Variants in CACNA1A observed in about 807,000 individuals in gnomAD.
CACNA1A encodes calcium voltage-gated channel subunit alpha1 A, also known as voltage-dependent P/Q-type calcium channel subunit alpha-1A.
A neutral mutation model predicts 262.4 loss-of-function variants in CACNA1A; 57 were observed. That is an observed-to-expected ratio of 0.22 (90% confidence interval 0.18 to 0.27). The LOEUF is 0.27. Ranked by LOEUF, CACNA1A falls within the 10% of genes least tolerant of loss-of-function variation. CACNA1A has a pLI of 1.00. For missense variants in CACNA1A, 2,526 were observed against 3,562.8 expected (o/e 0.71, Z 7.41); for synonymous variants, 1,431 against 1,419.3 (o/e 1.01, Z -0.18).
rs757611986 is a variant in CACNA1A at position 13,308,079 on chromosome 19, C to T, written c.1913+41G>A. 2 of 1,610,150 alleles carry T rather than the reference C, an allele frequency of 1.2e-6. No individual in the cohort carries two copies. The highest frequency in any genetic ancestry group is 2.2e-5 in the East Asian group (1 of 44,882). ...GGGACTGTGTGTTCCCTGAGCCTGA[C>T]CCCAGGGAACCAGGAGTTGGAATTC... On this transcript the variant is annotated intron_variant, in intron 14 of 46. Transcript: ENST00000360228. The surrounding 1 kb of genome is among the most constrained non-coding windows in gnomAD (Gnocchi z 4.2).
At position 13,506,328 on chromosome 19, in the gene CACNA1A, C is replaced by CGCG; in HGVS notation, c.-107_-105dup. On this transcript the variant is annotated 5_prime_UTR_variant, in exon 1 of 47. Coordinates refer to ENST00000360228, the MANE Select transcript of CACNA1A (RefSeq NM_001127222.2). ...ATGCTGAGGCTGCCGGGGCTGGGAG[C>CGCG]GCGGCGGCTGGAGCTACGACTGCGG... 1 of 1,124,294 alleles carries CGCG rather than the reference C, an allele frequency of 8.9e-7. No individual in the cohort carries two copies. The highest frequency in any genetic ancestry group is 2.1e-5 in the South Asian group (1 of 48,596). 69.6% of individuals were successfully genotyped at this position (1,124,294 alleles called of 1,614,324 possible).
chr19:13,373,314 C>T (rs938966396), intron 3 of CACNA1A, among the ~76,000 whole-genome samples: 1 of 152,214 alleles, frequency 6.6e-6, no homozygotes, highest in African/African-American at 2.4e-5. Context: ...GGAACCACCA[C>T]ATCTGGCTTG....
chr19:13,221,218 T>TTTTCTTTTCTTTTCTTTTCTTTCTTTC, intron 38 of CACNA1A, among the ~76,000 whole-genome samples: 1 of 25,672 alleles, frequency 3.9e-5, no homozygotes, highest in Non-Finnish European at 6.7e-5. Context: ...TTGTTTTTTC[T>TTTTCTTTTCTTTTCTTTTCTTTCTTTC]TTTCTTTCTT....
At chr19:13,304,591 C>T (rs1004098596) in intron 15 of CACNA1A, among the ~76,000 whole-genome samples, 1 of 146,848 alleles carries the variant, frequency 6.8e-6, no homozygotes, top group African/African-American at 2.5e-5. Flanking sequence ...CACTGCACTC[C>T]AGGCTGGGTG....
intron 3 of CACNA1A, among the ~76,000 whole-genome samples, chr19:13,438,402 C>T (rs2060651537): frequency 6.6e-6 from 1 of 152,392 alleles, no homozygotes; most frequent in South Asian, 2.1e-4. Context: ...AGGCTGAACA[C>T]TTCCTCTTTC....
chr19:13,410,082 A>T (rs1233257632), intron 3 of CACNA1A, among the ~76,000 whole-genome samples: 1 of 152,130 alleles, frequency 6.6e-6, no homozygotes, highest in African/African-American at 2.4e-5. Flanking sequence ...GCTGTCATCT[A>T]AAGTGAAACC....
Position 13,207,967 on chromosome 19 carries a change from G to T in CACNA1A, c.6867C>A (p.Thr2289=). The T allele has an allele frequency of 7.4e-7, 1 of 1,347,316 alleles. No homozygotes were observed. Among genetic ancestry groups the T allele is most frequent in the Non-Finnish European group, 9.5e-7 (1 of 1,053,602 alleles). The allele number at this position is 1,347,316 out of a possible 1,614,324, so 83.5% of individuals were successfully genotyped here. A position where few individuals can be genotyped will look rare whatever the true frequency, so the allele number is the denominator to read the frequency against. Residue 2289 remains threonine, a synonymous_variant, in exon 47 of 47, where the codon ACC becomes ACA. Coordinates refer to ENST00000360228, the MANE Select transcript of CACNA1A (RefSeq NM_001127222.2). This position sits in a 1 kb window ranked among gnomAD's most constrained non-coding sequence, Gnocchi z 5.7. ...PRRGRRQLPQ[T]PSTPRPHVSY... ...ACACGTGTGGCCGGGGGGTGGAGGGGGTCTGGGGGAGCTGGCGGCGGCCCC... is the reference window on the plus strand; with the variant it reads ...ACACGTGTGGCCGGGGGGTGGAGGGTGTCTGGGGGAGCTGGCGGCGGCCCC...
chr19:13,242,072 G>A (rs905616343), intron 31 of CACNA1A, among the ~76,000 whole-genome samples: 2 of 152,154 alleles, frequency 1.3e-5, no homozygotes, highest in Non-Finnish European at 2.9e-5. Flanking sequence ...GCCAGGACAT[G>A]CCTCTCCCTA....
chr19:13,207,147 G>A lies in CACNA1A; in HGVS notation c.*166C>T, dbSNP rs1356622521. On this transcript the variant is annotated 3_prime_UTR_variant, in exon 47 of 47. Transcript: ENST00000360228. This position sits in a 1 kb window ranked among gnomAD's most constrained non-coding sequence, Gnocchi z 5.7. ...GTCTCTTTTGGCCGAGGGTCTCTGC[G>A]GGACACCCTTGTGGCCCAGCCCTGG... 3 of 729,584 alleles carry A rather than the reference G, an allele frequency of 4.1e-6. No individual in the cohort carries two copies. Among genetic ancestry groups the A allele is most frequent in the Admixed American group, 4.1e-5 (1 of 24,288 alleles). The allele number at this position is 729,584 out of a possible 1,614,324, so 45.2% of individuals were successfully genotyped here. A position where few individuals can be genotyped will look rare whatever the true frequency, so the allele number is the denominator to read the frequency against.
At chr19:13,387,977 G>C (rs1163367378) in intron 3 of CACNA1A, among the ~76,000 whole-genome samples, 3 of 152,140 alleles carry the variant, frequency 2.0e-5, no homozygotes, top group Non-Finnish European at 4.4e-5. Flanking sequence ...GAGAAGGAGA[G>C]GAGACAGGAG....
chr19:13,342,912 C>T (rs192894233), intron 6 of CACNA1A, among the ~76,000 whole-genome samples: 277 of 152,204 alleles, frequency 1.8e-3, no homozygotes, highest in African/African-American at 6.4e-3. Context: ...CTGACCAATA[C>T]ATCTTTTTAA....
At chr19:13,283,798 A>G (rs2057343204) in intron 21 of CACNA1A, 1 of 161,068 alleles carries the variant, frequency 6.2e-6, no homozygotes, top group African/African-American at 2.4e-5. Flanking sequence ...TTTCTTTTTA[A>G]AAATTAGCTG....
intron 10 of CACNA1A, among the ~76,000 whole-genome samples, chr19:13,320,237 C>T (rs5827187): frequency 0.035 from 4,437 of 127,332 alleles, 233 homozygotes; most frequent in East Asian, 0.14. Context: ...TTCCACAGAT[C>T]GAGAGAGAGA....
Position 13,360,265 on chromosome 19 carries a change from G to GTATATATATATATATATATATATATATA in CACNA1A, c.785-467_785-466insTATATATATATATATATATATATATATA, listed in dbSNP as rs34849471. Among the ~76,000 whole-genome samples the GTATATATATATATATATATATATATATA allele has an allele frequency of 6.9e-3, 850 of 123,776 alleles. 14 individuals are homozygous for GTATATATATATATATATATATATATATA. Among genetic ancestry groups the GTATATATATATATATATATATATATATA allele is most frequent in the East Asian group, 0.017 (58 of 3,466 alleles). The allele number at this position is 123,776 out of a possible 152,430, so 81.2% of individuals were successfully genotyped here. A position where few individuals can be genotyped will look rare whatever the true frequency, so the allele number is the denominator to read the frequency against. Reference sequence around the variant, plus strand: ...ATTAGGTGTCTGTGTGTGTGTGTGTGTATATATATATATATATATATGAAG... The same window carrying GTATATATATATATATATATATATATATA: ...ATTAGGTGTCTGTGTGTGTGTGTGTGTATATATATATATATATATATATATATATATATATATATATATATATATGAAG... On this transcript the variant is annotated intron_variant, in intron 5 of 46. Coordinates refer to ENST00000360228, the MANE Select transcript of CACNA1A (RefSeq NM_001127222.2).
intron 31 of CACNA1A, among the ~76,000 whole-genome samples, chr19:13,242,789 G>A (rs998820187): frequency 6.6e-6 from 1 of 152,180 alleles, no homozygotes; most frequent in African/African-American, 2.4e-5. Flanking sequence ...ATCACTGTGA[G>A]TCTTGCAAGT....
At chr19:13,223,759 T>C (rs2055327329) in intron 38 of CACNA1A, among the ~76,000 whole-genome samples, 1 of 152,174 alleles carries the variant, frequency 6.6e-6, no homozygotes, top group African/African-American at 2.4e-5. Flanking sequence ...CAGGGATCCA[T>C]GAGACACTGC....
At chr19:13,489,071 G>A (rs1403705390) in intron 1 of CACNA1A, among the ~76,000 whole-genome samples, 8 of 136,618 alleles carry the variant, frequency 5.9e-5, no homozygotes, top group African/African-American at 1.8e-4. Flanking sequence ...GAGTGCAGTG[G>A]TGCAATCTCA....
intron 38 of CACNA1A, among the ~76,000 whole-genome samples, chr19:13,217,927 CTTTTT>C (rs33920209): frequency 4.4e-5 from 4 of 91,506 alleles, no homozygotes; most frequent in African/African-American, 8.9e-5. Flanking sequence ...ATAGTTCATT[CTTTTT>C]TTTTTTTTTT....
At chr19:13,336,594 G>GGGGA (rs1555768097) in intron 6 of CACNA1A, among the ~76,000 whole-genome samples, 17 of 65,510 alleles carry the variant, frequency 2.6e-4, no homozygotes, top group African/African-American at 8.7e-4. Context: ...AGAGAGAGAG[G>GGGGA]GAGAGAGAGA....
Sources: allele counts gnomAD v4.1 joint callset (sites outside exome capture counted in the v4.1 genomes callset), GRCh38; gene constraint gnomAD v4.1.1; non-coding constraint Gnocchi (gnomAD v3.1); transcripts MANE v1.5; gene names NCBI Gene and HGNC (gene_info 2026-07-23, HGNC 2026-07-21).